The following TMEM232 variants were observed in gnomAD, a reference collection of about 807,000 sequenced individuals.
The protein encoded by TMEM232 is transmembrane protein 232.
In TMEM232, 80 loss-of-function variants were observed where a neutral mutation model predicts 78.8. That is an observed-to-expected ratio of 1.01 (90% CI 0.85 to 1.22). The LOEUF (loss-of-function observed/expected upper bound fraction) is 1.22. TMEM232 is among the 50% of genes most tolerant of loss of function. The pLI is 0.00. For missense variants in TMEM232, 881 were observed against 742.2 expected, an observed-to-expected ratio of 1.19 and a Z score of -2.17; for synonymous variants, 297 against 254.3, an observed-to-expected ratio of 1.17 and a Z score of -1.60.
intron 2 of TMEM232, among the ~76,000 whole-genome samples, chr5:110,644,783 A>C (rs1787242336): frequency 6.6e-6 from 1 of 151,720 alleles, no homozygotes; most frequent in Admixed American, 6.6e-5. Context: ...TTAAAGAATA[A>C]AAAACTAAAA....
chr5:110,566,684 A>C (rs888776231), intron 11 of TMEM232, among the ~76,000 whole-genome samples: 1 of 152,018 alleles, frequency 6.6e-6, no homozygotes, highest in Middle Eastern at 3.4e-3. Flanking sequence ...GCCATTCAAC[A>C]CATCTCTAGA....
intron 11 of TMEM232, among the ~76,000 whole-genome samples, chr5:110,536,202 ATC>A: frequency 6.6e-6 from 1 of 152,324 alleles, no homozygotes; most frequent in South Asian, 2.1e-4. Flanking sequence ...GCTGGGGCCA[ATC>A]TCTGGAGAAA....
intron 8 of TMEM232, among the ~76,000 whole-genome samples, chr5:110,617,524 TA>T (rs1783094326): frequency 6.6e-6 from 1 of 152,188 alleles, no homozygotes; most frequent in African/African-American, 2.4e-5. Context: ...CATATCATTA[TA>T]CCCCATAAAT....
At chr5:110,644,634 T>C (rs1257891509) in intron 2 of TMEM232, among the ~76,000 whole-genome samples, 4 of 151,660 alleles carry the variant, frequency 2.6e-5, no homozygotes, top group Non-Finnish European at 5.9e-5. Flanking sequence ...CAGAAAAGCT[T>C]ATAATAATAA....
chr5:110,427,471 T>G (rs1259985518), intron 12 of TMEM232, among the ~76,000 whole-genome samples: 1 of 151,934 alleles, frequency 6.6e-6, no homozygotes, highest in African/African-American at 2.4e-5. Flanking sequence ...AAATGAGATG[T>G]AGAATTTTGA....
At chr5:110,551,322 C>A (rs1374278942) in intron 11 of TMEM232, among the ~76,000 whole-genome samples, 1 of 152,196 alleles carries the variant, frequency 6.6e-6, no homozygotes, top group Middle Eastern at 3.2e-3. Context: ...CCTCCGAGTT[C>A]AAGCAATTCT....
intron 2 of TMEM232, among the ~76,000 whole-genome samples, chr5:110,664,077 C>T (rs1022945063): frequency 6.6e-6 from 1 of 151,990 alleles, no homozygotes; most frequent in Non-Finnish European, 1.5e-5. Context: ...GAATTCGAGG[C>T]TGCAGTGAGC....
intron 10 of TMEM232, among the ~76,000 whole-genome samples, chr5:110,586,739 G>A (rs149198284): frequency 6.6e-6 from 1 of 151,968 alleles, no homozygotes; most frequent in Non-Finnish European, 1.5e-5. Context: ...AGCACAGCAA[G>A]GGAAGACTTT....
At position 110,443,184 on chromosome 5, in the gene TMEM232, C is replaced by G. The variant is rs187879125; in HGVS notation, c.1704-18268G>C. On this transcript the variant is annotated intron_variant, in intron 12 of 13. Transcript: ENST00000455884. ...TCCCTTCAGGACATTGTGCTCCCCC[C>G]GCTCCTGGGAAGGTCCAGAGATGCT... is the stretch of plus-strand genomic sequence containing the variant. 3.3e-3 allele frequency among the ~76,000 whole-genome samples: 496 copies of G among 152,264 alleles called. 8 individuals carry two copies. The highest frequency in any genetic ancestry group is 1.9e-3 in the Non-Finnish European group (132 of 68,020).
downstream of TMEM232, among the ~76,000 whole-genome samples, chr5:110,419,413 C>T (rs931064623): frequency 1.3e-5 from 2 of 152,108 alleles, no homozygotes; most frequent in Non-Finnish European, 2.9e-5. Flanking sequence ...TACTTAAATT[C>T]ACATAATATA....
chr5:110,514,064 T>C (rs1768209831), intron 12 of TMEM232: 2 of 165,180 alleles, frequency 1.2e-5, no homozygotes, highest in Admixed American at 1.3e-4. Flanking sequence ...AAAGGCTCAA[T>C]AAATAGAAGC....
At chr5:110,595,642 TA>T in intron 10 of TMEM232, among the ~76,000 whole-genome samples, 1 of 152,242 alleles carries the variant, frequency 6.6e-6, no homozygotes, top group South Asian at 2.1e-4. Context: ...CAAGTATCAA[TA>T]GCTGAATCGA....
intron 10 of TMEM232, among the ~76,000 whole-genome samples, chr5:110,602,260 C>T (rs1781007358): frequency 2.0e-5 from 3 of 151,950 alleles, no homozygotes; most frequent in Admixed American, 6.6e-5. Context: ...ACTAAAACAC[C>T]GAAAGCAATG....
At chr5:110,642,049 T>C (rs1786805311) in intron 3 of TMEM232, among the ~76,000 whole-genome samples, 2 of 152,254 alleles carry the variant, frequency 1.3e-5, no homozygotes, top group East Asian at 3.9e-4. Flanking sequence ...TATGGGCTGC[T>C]GGACTGGTAT....
chr5:110,464,850 A>G (rs747268871), intron 12 of TMEM232, among the ~76,000 whole-genome samples: 1 of 152,180 alleles, frequency 6.6e-6, no homozygotes, highest in African/African-American at 2.4e-5. Flanking sequence ...CTATCTATCT[A>G]TCATGAACCT....
chr5:110,620,776 G>T (rs1362357698), intron 7 of TMEM232, among the ~76,000 whole-genome samples: 1 of 150,660 alleles, frequency 6.6e-6, no homozygotes, highest in African/African-American at 2.4e-5. Flanking sequence ...TCATCAAGAG[G>T]AAAGGAACCT....
At chr5:110,673,340 T>C (rs1284002394) in intron 1 of TMEM232, among the ~76,000 whole-genome samples, 2 of 151,540 alleles carry the variant, frequency 1.3e-5, no homozygotes, top group Non-Finnish European at 2.9e-5. Context: ...TATTAGGAGA[T>C]AAACCTAATG....
intron 11 of TMEM232, among the ~76,000 whole-genome samples, chr5:110,551,800 T>C (rs573629051): frequency 6.6e-6 from 1 of 152,220 alleles, no homozygotes; most frequent in South Asian, 2.1e-4. Flanking sequence ...GGGCTGACAA[T>C]TGATTTCTCA....
chr5:110,483,895 G>A (rs559060741), intron 12 of TMEM232, among the ~76,000 whole-genome samples: 135 of 152,204 alleles, frequency 8.9e-4, no homozygotes, highest in African/African-American at 3.1e-3. Flanking sequence ...AATAGCAAAG[G>A]CATGGAATTA....
Sources: allele counts gnomAD v4.1 joint callset (sites outside exome capture counted in the v4.1 genomes callset), GRCh38; gene constraint gnomAD v4.1.1; transcripts MANE v1.5; gene names NCBI Gene and HGNC (gene_info 2026-07-23, HGNC 2026-07-21).